CEP70: variants seen among roughly 807,000 people sequenced by gnomAD.
CEP70 encodes centrosomal protein of 70 kDa.
In CEP70, 70 loss-of-function variants were observed where a neutral mutation model predicts 90.9. That is an observed-to-expected ratio of 0.77 (90% confidence interval 0.64 to 0.94). The LOEUF is 0.94. Ranked by LOEUF, CEP70 falls within the 40% of genes least tolerant of loss-of-function variation. The pLI, the probability that CEP70 is intolerant of heterozygous loss-of-function variation, is 0.00. For missense variants in CEP70, 648 were observed against 669.0 expected, an observed-to-expected ratio of 0.97 and a Z score of 0.35; for synonymous variants, 220 against 228.3, an observed-to-expected ratio of 0.96 and a Z score of 0.33.
intron 16 of CEP70, chr3:138,499,886 A>C (rs1354864499): frequency 6.7e-6 from 3 of 446,568 alleles, no homozygotes; most frequent in Non-Finnish European, 1.2e-5. Flanking sequence ...AAGGTAAATA[A>C]GTTTTGAAAG....
intron 8 of CEP70, chr3:138,530,514 A>G (rs1046801868): frequency 1.2e-6 from 1 of 862,472 alleles, no homozygotes; most frequent in East Asian, 1.2e-4. Flanking sequence ...AAAAACAACA[A>G]CAACAACAAA....
intron 13 of CEP70, among the ~76,000 whole-genome samples, chr3:138,501,376 A>T: frequency 6.6e-6 from 1 of 152,206 alleles, no homozygotes; most frequent in Non-Finnish European, 1.5e-5. Flanking sequence ...AGCACTATCC[A>T]ATTTCAGAAC....
intron 6 of CEP70, among the ~76,000 whole-genome samples, chr3:138,550,674 TTAAAAAACAATCAC>T: frequency 2.6e-5 from 4 of 151,916 alleles, no homozygotes; most frequent in African/African-American, 9.7e-5. Flanking sequence ...ATTGCATAAA[TTAAAAAACAATCAC>T]AACTTCAGGA....
At chr3:138,532,864 T>G (rs1464357735) in intron 7 of CEP70, among the ~76,000 whole-genome samples, 1 of 152,186 alleles carries the variant, frequency 6.6e-6, no homozygotes, top group African/African-American at 2.4e-5. Context: ...CAGAAATAAG[T>G]CAAAGGATGC....
intron 6 of CEP70, among the ~76,000 whole-genome samples, chr3:138,559,533 G>C (rs1311168703): frequency 1.3e-5 from 2 of 152,182 alleles, no homozygotes; most frequent in African/African-American, 2.4e-5. Flanking sequence ...AGGAGTTCAA[G>C]ACCAGCCTGG....
At chr3:138,496,195 C>T (rs1010192770) in intron 17 of CEP70, 109 of 985,334 alleles carry the variant, frequency 1.1e-4, no homozygotes, top group Admixed American at 1.2e-4. Flanking sequence ...CATTAATAAA[C>T]GCGTTCCCTT....
chr3:138,563,350 C>A (rs140548873), intron 6 of CEP70, among the ~76,000 whole-genome samples: 3,855 of 152,196 alleles, frequency 0.025, 66 homozygotes, highest in Non-Finnish European at 0.038. Context: ...CCATGCAGAC[C>A]TAATAGATAT....
intron 2 of CEP70, among the ~76,000 whole-genome samples, chr3:138,590,824 A>T (rs527515625): frequency 2.3e-4 from 31 of 134,980 alleles, no homozygotes; most frequent in African/African-American, 1.1e-3. Context: ...AATAAATAAT[A>T]AAAAAAAAAC....
In CEP70 at chr3:138,588,593, C is replaced by T. The variant is rs368070130; in HGVS notation, c.-6+3261G>A. Among the ~76,000 whole-genome samples, 18 of 152,276 alleles carry T rather than the reference C, an allele frequency of 1.2e-4. No individual in the cohort carries two copies. In the East Asian group the frequency reaches 2.7e-3, roughly 23 times the overall value. On this transcript the variant is annotated intron_variant, in intron 2 of 17. Coordinates refer to ENST00000264982, the MANE Select transcript of CEP70 (RefSeq NM_024491.4). ...TAAGAATGACTAGACCAAGTGTTTT[C>T]GAGGATGTGAGGGAACTAGAACTCT...
At chr3:138,588,259 G>C (rs1265582040) in intron 2 of CEP70, among the ~76,000 whole-genome samples, 4 of 152,100 alleles carry the variant, frequency 2.6e-5, no homozygotes, top group African/African-American at 9.7e-5. Flanking sequence ...TAAAAATAAT[G>C]TCTGCTCTTT....
chr3:138,546,044 G>A (rs1263938902), intron 6 of CEP70, among the ~76,000 whole-genome samples: 3 of 151,876 alleles, frequency 2.0e-5, no homozygotes, highest in Non-Finnish European at 2.9e-5. Context: ...TGTGATCTTC[G>A]TGACCTACTC....
intron 6 of CEP70, among the ~76,000 whole-genome samples, chr3:138,556,881 T>C (rs2040048873): frequency 6.6e-6 from 1 of 152,150 alleles, no homozygotes; most frequent in Non-Finnish European, 1.5e-5. Flanking sequence ...AAATTAAAAT[T>C]GCTAATGAAG....
chr3:138,560,695 G>A (rs1043275950), intron 6 of CEP70, among the ~76,000 whole-genome samples: 8 of 152,188 alleles, frequency 5.3e-5, no homozygotes, highest in Admixed American at 3.9e-4. Flanking sequence ...GGTGAGGGGC[G>A]TCCACCACTG....
At chr3:138,562,022 CA>C (rs35638353) in intron 6 of CEP70, among the ~76,000 whole-genome samples, 66,833 of 110,748 alleles carry the variant, frequency 0.6, 17,011 homozygotes, top group East Asian at 0.89. Context: ...GACGCCGTCT[CA>C]AAAAAAAAAA....
chr3:138,530,568 A>C (rs918544431), intron 8 of CEP70: 1 of 985,288 alleles, frequency 1.0e-6, no homozygotes, highest in Non-Finnish European at 1.2e-6. Flanking sequence ...ACAAGCAGAG[A>C]AGCTTTTGCC....
intron 11 of CEP70, among the ~76,000 whole-genome samples, chr3:138,521,091 G>A (rs1176673562): frequency 6.6e-6 from 1 of 152,224 alleles, no homozygotes; most frequent in East Asian, 1.9e-4. Flanking sequence ...ATTGCAGACA[G>A]AGTCTTGCTC....
At chr3:138,582,740 G>A (rs889988360) in intron 2 of CEP70, among the ~76,000 whole-genome samples, 20 of 151,766 alleles carry the variant, frequency 1.3e-4, no homozygotes, top group African/African-American at 4.1e-4. Context: ...CTCCAGCCTG[G>A]GTGACAGAAC....
chr3:138,582,795 A>C (rs2041933373), intron 2 of CEP70, among the ~76,000 whole-genome samples: 1 of 152,058 alleles, frequency 6.6e-6, no homozygotes, highest in Non-Finnish European at 1.5e-5. Context: ...TAAATAAGAT[A>C]ATGGATTATA....
chr3:138,496,536 C>T, intron 17 of CEP70: 1 of 985,372 alleles, frequency 1.0e-6, no homozygotes, highest in Non-Finnish European at 1.2e-6. Flanking sequence ...ACCTGCCTTA[C>T]AAATGAACCT....
Sources: gnomAD v4.1 joint callset for allele counts (sites outside exome capture counted in the v4.1 genomes callset) on GRCh38, gnomAD v4.1.1 for gene constraint, MANE v1.5 for transcripts, NCBI Gene and HGNC (gene_info 2026-07-23, HGNC 2026-07-21) for gene names.